ITFG1: variants seen among roughly 807,000 people sequenced by gnomAD.
ITFG1 encodes the protein integrin alpha FG-GAP repeat containing 1.
A neutral mutation model predicts 81.8 loss-of-function variants in ITFG1; 34 were observed. That is an observed-to-expected ratio of 0.42 (90% confidence interval 0.32 to 0.55). The LOEUF is 0.55. ITFG1 is among the 20% of genes least tolerant of loss of function. ITFG1 has a pLI of 0.17. For synonymous variants in ITFG1, 285 were observed against 270.6 expected, an observed-to-expected ratio of 1.05 and a Z score of -0.52; for missense variants, 672 against 755.4, an observed-to-expected ratio of 0.89 and a Z score of 1.29.
chr16:47,382,785 T>G (rs1968412243), intron 6 of ITFG1, among the ~76,000 whole-genome samples: 1 of 152,232 alleles, frequency 6.6e-6, no homozygotes, highest in African/African-American at 2.4e-5. Context: ...ACCTGTTAAC[T>G]GCACTGAAAT....
intron 12 of ITFG1, among the ~76,000 whole-genome samples, chr16:47,254,353 C>T (rs1477640755): frequency 6.6e-6 from 1 of 152,026 alleles, no homozygotes; most frequent in Non-Finnish European, 1.5e-5. Flanking sequence ...TTTTGCCTCA[C>T]CCTGAGAACT....
intron 6 of ITFG1, among the ~76,000 whole-genome samples, chr16:47,402,692 T>A (rs1011631108): frequency 3.3e-5 from 5 of 152,228 alleles, no homozygotes; most frequent in Non-Finnish European, 5.9e-5. Flanking sequence ...AGACTCGATT[T>A]GCTGGTCAGT....
intron 14 of ITFG1, among the ~76,000 whole-genome samples, chr16:47,179,262 A>G (rs992873858): frequency 6.6e-6 from 1 of 152,238 alleles, no homozygotes; most frequent in African/African-American, 2.4e-5. Context: ...ATGCTGCTAT[A>G]AAGACACATG....
At chr16:47,250,373 A>G (rs1353739913) in intron 12 of ITFG1, among the ~76,000 whole-genome samples, 2 of 151,252 alleles carry the variant, frequency 1.3e-5, no homozygotes, top group Non-Finnish European at 2.9e-5. Context: ...ATAAATATAT[A>G]TACATATATT....
intron 13 of ITFG1, among the ~76,000 whole-genome samples, chr16:47,233,493 C>T (rs1287775269): frequency 6.6e-6 from 1 of 152,226 alleles, no homozygotes; most frequent in Non-Finnish European, 1.5e-5. Context: ...ACCAGATTCT[C>T]ACTGTGAAGA....
At chr16:47,289,737 T>A (rs1596863896) in intron 10 of ITFG1, among the ~76,000 whole-genome samples, 1 of 152,096 alleles carries the variant, frequency 6.6e-6, no homozygotes, top group African/African-American at 2.4e-5. Flanking sequence ...CCTTTCCTCT[T>A]TTTTTTATCT....
At chr16:47,410,534 T>C (rs1435697310) in intron 6 of ITFG1, among the ~76,000 whole-genome samples, 3 of 151,604 alleles carry the variant, frequency 2.0e-5, no homozygotes, top group Non-Finnish European at 4.4e-5. Context: ...AACAGGTCTT[T>C]TGAGAGAAAA....
chr16:47,451,501 TTTCTTTAAA>T, intron 4 of ITFG1, 31 bp from the exon 5 acceptor site: 1 of 1,168,332 alleles, frequency 8.6e-7, no homozygotes, highest in East Asian at 2.3e-5. Context: ...TAAGCAGCTA[TTTCTTTAAA>T]TTCTTACTTC....
Position 47,337,562 on chromosome 16 carries a change from T to G in ITFG1, c.803-23739A>C, listed in dbSNP as rs557224389. Reference sequence around the variant, plus strand: ...TCCAGCCTGGGTGACAGAGTGAGACTCTGTCTCATAAAATAAAAATAAAAA... The same window carrying G: ...TCCAGCCTGGGTGACAGAGTGAGACGCTGTCTCATAAAATAAAAATAAAAA... On this transcript the variant is annotated intron_variant, in intron 8 of 17. Transcript: ENST00000320640. 6.6e-5 allele frequency among the ~76,000 whole-genome samples: 10 copies of G among 152,302 alleles called. No individual in the cohort carries two copies. The South Asian group carries it at 1.0e-3, about 16-fold the overall frequency.
At chr16:47,251,220 G>T (rs909924089) in intron 12 of ITFG1, among the ~76,000 whole-genome samples, 1 of 152,196 alleles carries the variant, frequency 6.6e-6, no homozygotes, top group African/African-American at 2.4e-5. Context: ...GAGTAAGTCA[G>T]GGCTCTTGTG....
At chr16:47,326,367 A>T (rs1034873592) in intron 8 of ITFG1, among the ~76,000 whole-genome samples, 7 of 152,334 alleles carry the variant, frequency 4.6e-5, no homozygotes, top group African/African-American at 1.4e-4. Context: ...AGCCAATATC[A>T]TACTGAATGG....
At chr16:47,320,799 G>A (rs188695185) in intron 8 of ITFG1, among the ~76,000 whole-genome samples, 3 of 152,188 alleles carry the variant, frequency 2.0e-5, no homozygotes, top group African/African-American at 7.2e-5. Flanking sequence ...ATAGGCAAAA[G>A]AGTAAAAAAA....
At chr16:47,352,247 A>G (rs550782304) in intron 8 of ITFG1, among the ~76,000 whole-genome samples, 1 of 152,374 alleles carries the variant, frequency 6.6e-6, no homozygotes, top group Admixed American at 6.5e-5. Flanking sequence ...ACAGCAAAAG[A>G]AACCACCATC....
chr16:47,432,184 T>G (rs546429758), intron 5 of ITFG1, among the ~76,000 whole-genome samples: 1 of 152,334 alleles, frequency 6.6e-6, no homozygotes, highest in South Asian at 2.1e-4. Context: ...CATTTCCTAT[T>G]CTTCTCTACT....
chr16:47,334,462 T>C lies in ITFG1; in HGVS notation c.803-20639A>G, dbSNP rs183208322. On this transcript the variant is annotated intron_variant, in intron 8 of 17. Transcript: ENST00000320640. ...AAAAAAGAAAATACATTTTATTCTA[T>C]ATTAAACAAACACTTAAATATAGGA... is the stretch of plus-strand genomic sequence containing the variant. 1.2e-3 allele frequency among the ~76,000 whole-genome samples: 179 copies of C among 152,330 alleles called. 1 individual carries two copies. Among genetic ancestry groups the C allele is most frequent in the African/African-American group, 3.9e-3 (162 of 41,582 alleles).
intron 14 of ITFG1, among the ~76,000 whole-genome samples, chr16:47,209,993 C>G (rs1350276687): frequency 6.6e-6 from 1 of 152,088 alleles, no homozygotes; most frequent in Non-Finnish European, 1.5e-5. Flanking sequence ...ATTATGAATA[C>G]AGCTGGTATA....
chr16:47,352,415 T>C (rs1258131391), intron 8 of ITFG1, among the ~76,000 whole-genome samples: 1 of 152,002 alleles, frequency 6.6e-6, no homozygotes, highest in Non-Finnish European at 1.5e-5. Flanking sequence ...AACAGACACT[T>C]CTCAAAAGAA....
chr16:47,184,148 G>C (rs9939920), intron 14 of ITFG1, among the ~76,000 whole-genome samples: 18,009 of 152,182 alleles, frequency 0.12, 2,305 homozygotes, highest in African/African-American at 0.32. Context: ...AAATCTACGT[G>C]TGACTGGTGT....
In ITFG1 at chr16:47,167,627, A is replaced by G. The variant is rs572527055; in HGVS notation, c.1454-4963T>C. On this transcript the variant is annotated intron_variant, in intron 14 of 17. Transcript: ENST00000320640. ...TACCCAAAGCTTATAAAACGGCCCC[A>G]CCCTTATCTCCCTTTGCTGACTCTC... Among the ~76,000 whole-genome samples the G allele has an allele frequency of 3.3e-5, 5 of 151,610 alleles. No individual in the cohort carries two copies. The East Asian group carries it at 9.7e-4, about 29-fold the overall frequency.
Sources: gnomAD v4.1 joint callset for allele counts (sites outside exome capture counted in the v4.1 genomes callset) on GRCh38, gnomAD v4.1.1 for gene constraint, MANE v1.5 for transcripts, NCBI Gene and HGNC (gene_info 2026-07-23, HGNC 2026-07-21) for gene names.